The following TMEM38B variants were observed in gnomAD, a reference collection of about 807,000 sequenced individuals.
The protein encoded by TMEM38B is transmembrane protein 38B, also known as trimeric intracellular cation channel type B.
A neutral mutation model predicts 28.7 loss-of-function variants in TMEM38B; 24 were observed. That is an observed-to-expected ratio of 0.84 (90% CI 0.61 to 1.18). TMEM38B has a LOEUF of 1.18. TMEM38B is among the 50% of genes most tolerant of loss of function. The probability of loss-of-function intolerance (pLI) is 0.00; values close to 1 mark genes in which losing one functional copy is unlikely to be tolerated. For synonymous variants in TMEM38B, 131 were observed against 127.7 expected (o/e 1.03, Z -0.17); for missense variants, 380 against 350.9 (o/e 1.08, Z -0.66).
At chr9:105,702,112 A>G (rs535134619) in intron 1 of TMEM38B, among the ~76,000 whole-genome samples, 9 of 152,318 alleles carry the variant, frequency 5.9e-5, no homozygotes, top group Admixed American at 5.2e-4. Flanking sequence ...AAACTCCTTG[A>G]ATTGTGTCAT....
chr9:105,771,909 C>G (rs1166096554), intron 5 of TMEM38B, among the ~76,000 whole-genome samples: 4 of 152,204 alleles, frequency 2.6e-5, no homozygotes, highest in African/African-American at 9.6e-5. Context: ...TTGCCTGTCT[C>G]TGGCTAGTCT....
Position 105,776,241 on chromosome 9 carries a change from C to T in TMEM38B, c.*2161C>T, listed in dbSNP as rs1463310627. Reference sequence around the variant, plus strand: ...GCTGGCAAGAACATGAGCCAGCTTCCCTCAGTGCTGTCACTCTCAAGTAAA... The same window carrying T: ...GCTGGCAAGAACATGAGCCAGCTTCTCTCAGTGCTGTCACTCTCAAGTAAA... On this transcript the variant is annotated 3_prime_UTR_variant, in exon 6 of 6. Coordinates refer to ENST00000374692, the MANE Select transcript of TMEM38B (RefSeq NM_018112.3). 6.6e-6 allele frequency: 1 copy of T among 151,984 alleles called. No homozygotes were observed. The highest frequency in any genetic ancestry group is 2.4e-5 in the African/African-American group (1 of 41,392). 9.4% of individuals were successfully genotyped at this position (151,984 alleles called of 1,614,324 possible).
rs539870143 is a variant in TMEM38B, at chr9:105,732,215, G to T, written c.542+9594G>T. 3.9e-5 allele frequency among the ~76,000 whole-genome samples: 6 copies of T among 152,248 alleles called. 1 individual carries two copies. In the East Asian group the frequency reaches 1.2e-3, roughly 29 times the overall value. On this transcript the variant is annotated intron_variant, in intron 4 of 5. Coordinates refer to ENST00000374692, the MANE Select transcript of TMEM38B (RefSeq NM_018112.3). ...TGTAGATTCTGGATATTAGCACTTTGTCAGATGGGTAGATTGCAAAAATTT... is the reference window on the plus strand; with the variant it reads ...TGTAGATTCTGGATATTAGCACTTTTTCAGATGGGTAGATTGCAAAAATTT...
chr9:105,773,725 T>C (rs1190937421), intron 5 of TMEM38B, 140 bp from the exon 6 acceptor site: 2 of 716,176 alleles, frequency 2.8e-6, no homozygotes, highest in Non-Finnish European at 4.5e-6. Flanking sequence ...AGAACAGAGA[T>C]TTTACCAGAA....
Position 105,721,662 on chromosome 9 carries a change from A to G in TMEM38B, c.395A>G (p.His132Arg), listed in dbSNP as rs1004306719. 1.9e-6 allele frequency: 3 copies of G among 1,613,374 alleles called. No homozygotes were observed. Among genetic ancestry groups the G allele is most frequent in the Non-Finnish European group, 8.5e-7 (1 of 1,179,562 alleles). The part of the protein sequence containing the change: ...RTWKIVGGVT[H>R]ANSYYKNGWI... ...TGGAAAATAGTAGGTGGAGTCACAC[A>G]TGCTAATAGCTATTACAAAAATGGC... Residue 132 changes from histidine (H) to arginine (R), a missense_variant, in exon 3 of 6, where the codon CAT becomes CGT. Transcript: ENST00000374692.
intron 5 of TMEM38B, among the ~76,000 whole-genome samples, chr9:105,769,566 C>T (rs990657098): frequency 6.6e-6 from 1 of 152,076 alleles, no homozygotes; most frequent in Non-Finnish European, 1.5e-5. Context: ...TTCCCGCAAA[C>T]GAAAAATTTA....
In TMEM38B at chr9:105,773,987, G is replaced by GTCACCT; in HGVS notation, c.786_791dup (p.Pro263_Ser264dup). The GTCACCT allele has an allele frequency of 6.2e-7, 1 of 1,613,814 alleles. No homozygotes were observed. Among genetic ancestry groups the GTCACCT allele is most frequent in the South Asian group, 1.1e-5 (1 of 91,080 alleles). On this transcript the variant is annotated inframe_insertion, in exon 6 of 6. Coordinates refer to ENST00000374692, the MANE Select transcript of TMEM38B (RefSeq NM_018112.3). The stretch of plus-strand genomic sequence containing the variant: ...CATGTGAGAAGAAAAGTGAAGCAAA[G>GTCACCT]TCACCTTCCAATGGCGTTGGGTCAT...
intron 1 of TMEM38B, among the ~76,000 whole-genome samples, chr9:105,700,105 T>C (rs142551645): frequency 5.3e-5 from 8 of 152,346 alleles, no homozygotes; most frequent in Non-Finnish European, 7.4e-5. Context: ...TGTATTGTTT[T>C]ACTCTAAATT....
chr9:105,694,717 C>T lies in TMEM38B; in HGVS notation c.57C>T (p.Pro19=). The change falls in exon 1 of 6, where the codon CCC becomes CCT. Residue 19 remains proline, a synonymous_variant. Transcript: ENST00000374692. ...ALAFSRTSMF[P]FFDIAHYLVS... ...CCTTCTCCCGCACGTCCATGTTTCC[C>T]TTTTTTGACATCGCGCACTATCTAG... 6.2e-7 allele frequency: 1 copy of T among 1,613,988 alleles called. No individual in the cohort carries two copies. Among genetic ancestry groups the T allele is most frequent in the South Asian group, 1.1e-5 (1 of 91,084 alleles).
At position 105,750,619 on chromosome 9, in the gene TMEM38B, A is replaced by ACAAAAAC. The variant is rs572797731; in HGVS notation, c.660+2435_660+2436insCCAAAAA. ...ACAGAGAAAGACTCTGTCTCAAAAAACAAAAAACAAAAAACACACATTTTT... is the reference window on the plus strand; with the variant it reads ...ACAGAGAAAGACTCTGTCTCAAAAAACAAAAACCAAAAAACAAAAAACACACATTTTT... On this transcript the variant is annotated intron_variant, in intron 5 of 5. Transcript: ENST00000374692. 1.9e-3 allele frequency among the ~76,000 whole-genome samples: 272 copies of ACAAAAAC among 144,632 alleles called. 2 individuals are homozygous for ACAAAAAC. Among genetic ancestry groups the ACAAAAAC allele is most frequent in the African/African-American group, 7.1e-3 (257 of 36,032 alleles). The allele number at this position is 144,632 out of a possible 152,430, so 94.9% of individuals were successfully genotyped here. A position where few individuals can be genotyped will look rare whatever the true frequency, so the allele number is the denominator to read the frequency against.
intron 4 of TMEM38B, among the ~76,000 whole-genome samples, chr9:105,742,176 A>G (rs1837230383): frequency 6.6e-6 from 1 of 152,174 alleles, no homozygotes; most frequent in Non-Finnish European, 1.5e-5. Flanking sequence ...GGCTGATAAA[A>G]CTGCTCAGCT....
intron 4 of TMEM38B, among the ~76,000 whole-genome samples, chr9:105,724,026 T>C (rs1404624285): frequency 6.6e-6 from 1 of 151,834 alleles, no homozygotes; most frequent in Non-Finnish European, 1.5e-5. Flanking sequence ...AGTTGAGATG[T>C]GGTTTCACCA....
At chr9:105,760,406 T>A (rs774378693) in intron 5 of TMEM38B, 46 of 742,192 alleles carry the variant, frequency 6.2e-5, no homozygotes, top group Middle Eastern at 3.7e-4. Flanking sequence ...GAAAAACATC[T>A]TGAATACTTA....
chr9:105,747,513 T>G (rs1451692777), intron 4 of TMEM38B, among the ~76,000 whole-genome samples: 3 of 152,132 alleles, frequency 2.0e-5, no homozygotes, highest in Non-Finnish European at 2.9e-5. Flanking sequence ...TTTGCTGATC[T>G]TTTCAAAAAA....
At chr9:105,700,567 G>C (rs1248698358) in intron 1 of TMEM38B, among the ~76,000 whole-genome samples, 4 of 152,216 alleles carry the variant, frequency 2.6e-5, no homozygotes, top group African/African-American at 9.6e-5. Context: ...ACCATTTACT[G>C]TTCCTGGTTT....
intron 4 of TMEM38B, among the ~76,000 whole-genome samples, chr9:105,738,898 T>C (rs1002832517): frequency 1.3e-4 from 19 of 151,942 alleles, no homozygotes; most frequent in African/African-American, 4.6e-4. Flanking sequence ...TTATTTTTTA[T>C]TTTTTGTAGA....
Position 105,748,077 on chromosome 9 carries a change from G to T in TMEM38B, c.547G>T (p.Ala183Ser), listed in dbSNP as rs746804615. Reference sequence around the variant, plus strand: ...TAAAATGTGTTTTATTTTCAGCCCTGCCAAGGTAACCCTGCTGGGGTCAGT... The same window carrying T: ...TAAAATGTGTTTTATTTTCAGCCCTTCCAAGGTAACCCTGCTGGGGTCAGT... ...GDEWLKMSYP[A>S]KVTLLGSVIF... The change falls in exon 5 of 6, where the codon GCC becomes TCC. Residue 183 changes from alanine to serine, a missense_variant. By Grantham distance (99) the Ala-to-Ser change is moderately conservative. Transcript: ENST00000374692. 3.7e-6 allele frequency: 6 copies of T among 1,610,608 alleles called. No individual in the cohort carries two copies. In the Admixed American group the frequency reaches 8.4e-5, roughly 22 times the overall value.
chr9:105,730,319 G>A (rs753971028), intron 4 of TMEM38B, among the ~76,000 whole-genome samples: 9 of 152,122 alleles, frequency 5.9e-5, no homozygotes, highest in Non-Finnish European at 1.0e-4. Flanking sequence ...GGCCTTTTCT[G>A]CATCTATTGA....
intron 2 of TMEM38B, among the ~76,000 whole-genome samples, chr9:105,714,380 C>G (rs1836018228): frequency 6.6e-6 from 1 of 152,186 alleles, no homozygotes; most frequent in Admixed American, 6.5e-5. Flanking sequence ...AGAGCTTGGT[C>G]AAGGGTGCCA....
Sources: gnomAD v4.1 joint callset for allele counts (sites outside exome capture counted in the v4.1 genomes callset) on GRCh38, gnomAD v4.1.1 for gene constraint, MANE v1.5 for transcripts, NCBI Gene and HGNC (gene_info 2026-07-23, HGNC 2026-07-21) for gene names.